The following REV1 variants were observed in gnomAD, a reference collection of about 807,000 sequenced individuals.
REV1 encodes the protein translesion synthesis protein REV1.
REV1 carries 42 observed loss-of-function variants against 137.4 expected under a neutral mutation model. The ratio of observed to expected loss-of-function variants is 0.31; its 90% confidence interval spans 0.24 to 0.40. The LOEUF is 0.40. Ranked by LOEUF, REV1 falls within the 10% of genes least tolerant of loss-of-function variation. The pLI is 1.00. For synonymous variants in REV1, 524 were observed against 519.2 expected, an observed-to-expected ratio of 1.01 and a Z score of -0.12; for missense variants, 1,282 against 1,490.1, an observed-to-expected ratio of 0.86 and a Z score of 2.30.
Position 99,418,880 on chromosome 2 carries a change from T to C in REV1, c.1899A>G (p.Lys633=). Residue 633 remains lysine (K), a synonymous_variant, in exon 12 of 23, where the codon AAA becomes AAG. Transcript: ENST00000258428. ...TGATAAAATCATCTACTTCTTCTGG[T>C]TTTAGGTGGTACTGCCCATCTGGTT... The part of the protein sequence containing the change: ...KAKPDGQYHL[K]PEEVDDFIRG... The C allele has an allele frequency of 3.1e-6, 5 of 1,612,420 alleles. No homozygotes were observed. The highest frequency in any genetic ancestry group is 4.2e-6 in the Non-Finnish European group (5 of 1,178,586).
chr2:99,466,860 G>A (rs1255930846), intron 1 of REV1, among the ~76,000 whole-genome samples: 1 of 152,108 alleles, frequency 6.6e-6, no homozygotes, highest in African/African-American at 2.4e-5. Context: ...AGTACCACAT[G>A]CTCTGTTAAA....
At position 99,406,385 on chromosome 2, in the gene REV1, C is replaced by G. The variant is rs139271999; in HGVS notation, c.2554G>C (p.Val852Leu). 1.3e-5 allele frequency: 21 copies of G among 1,613,610 alleles called. No homozygotes were observed. Among genetic ancestry groups the G allele is most frequent in the Non-Finnish European group, 1.8e-5 (21 of 1,179,770 alleles). The change falls in exon 16 of 23, where the codon GTC becomes CTC. Residue 852 changes from valine (V) to leucine (L), a missense_variant. This residue lies in a region of REV1 where 372 missense variants were observed against 482.3 expected (regional missense o/e 0.77). Coordinates refer to ENST00000258428, the MANE Select transcript of REV1 (RefSeq NM_016316.4). The part of the protein sequence containing the change: ...SSHFPSGSYS[V>L]RDVFQVQKAK... ...TTCTGAACTTGGAAGACATCACGGA[C>G]AGAGTATGACCCACTAGGAAAGTGG...
chr2:99,449,374 CT>C lies in REV1; in HGVS notation c.311del (p.Lys104ArgfsTer5). On this transcript the variant is annotated frameshift_variant, in exon 4 of 23. Transcript: ENST00000258428. LOFTEE classifies it high-confidence loss of function. ...ATTCTGGTCGAATTACTTTTTCCCC[CT>C]TTAATTCTTTAATTTTGGCATTGGG... is the stretch of plus-strand genomic sequence containing the variant. The part of the protein sequence containing the change: ...NLPNAKIKEL[K>X]GEKVIRPEWI... 6.4e-7 allele frequency: 1 copy of C among 1,560,932 alleles called. No homozygotes were observed.
chr2:99,414,973 T>C (rs147915020), intron 12 of REV1, among the ~76,000 whole-genome samples: 48 of 152,322 alleles, frequency 3.2e-4, no homozygotes, highest in African/African-American at 1.1e-3. Flanking sequence ...AAGTTAACCG[T>C]AATCAATCTA....
Position 99,402,741 on chromosome 2 carries a change from T to G in REV1, c.3444A>C (p.Pro1148=). The change falls in exon 21 of 23, where the codon CCA becomes CCC. Residue 1148 remains proline (P), a synonymous_variant. Transcript: ENST00000258428. ...GTGCTGGAGGTCTCACACAGCCAGC[T>G]GGGTCAGACTGCAAACTAGAAAGGC... ...VPGLSSLQSD[P]AGCVRPPAPN... is the part of the protein sequence containing the mutation. 1 of 1,614,228 alleles carries G rather than the reference T, an allele frequency of 6.2e-7. No homozygotes were observed. Among genetic ancestry groups the G allele is most frequent in the Non-Finnish European group, 8.5e-7 (1 of 1,180,032 alleles).
chr2:99,462,673 C>A (rs369615712), intron 2 of REV1, 51 bp from the exon 3 acceptor site: 23 of 1,566,878 alleles, frequency 1.5e-5, no homozygotes, highest in Middle Eastern at 1.7e-4. Context: ...TTTTCTCCCC[C>A]CTTTTTTGAA....
At chr2:99,416,912 CA>C (rs755184253) in intron 12 of REV1, among the ~76,000 whole-genome samples, 285 of 77,830 alleles carry the variant, frequency 3.7e-3, no homozygotes, top group Non-Finnish European at 5.0e-3. Flanking sequence ...GACTCCATCT[CA>C]AAAAAAAAAA....
intron 14 of REV1, 78 bp from the exon 15 acceptor site, chr2:99,408,209 A>T (rs1176224738): frequency 1.9e-5 from 14 of 721,520 alleles, no homozygotes; most frequent in Non-Finnish European, 8.7e-6. Flanking sequence ...GGAACTGTTT[A>T]AAAGAGTTAT....
chr2:99,467,659 C>T (rs1684958714), intron 1 of REV1, among the ~76,000 whole-genome samples: 1 of 152,178 alleles, frequency 6.6e-6, no homozygotes. Flanking sequence ...GCCGCAATTG[C>T]TATCAGAACC....
At chr2:99,450,781 T>C (rs1682833898) in intron 3 of REV1, among the ~76,000 whole-genome samples, 1 of 152,230 alleles carries the variant, frequency 6.6e-6, no homozygotes, top group Admixed American at 6.5e-5. Flanking sequence ...CTGAGATATT[T>C]ACTTTCTTTT....
intron 13 of REV1, 63 bp downstream of exon 13, chr2:99,412,668 G>C: frequency 8.4e-7 from 1 of 1,186,882 alleles, no homozygotes; most frequent in Non-Finnish European, 1.3e-6. Flanking sequence ...TTTAGTTGTA[G>C]AGGTAGGACT....
At chr2:99,414,073 T>G (rs1050102040) in intron 12 of REV1, among the ~76,000 whole-genome samples, 1 of 152,184 alleles carries the variant, frequency 6.6e-6, no homozygotes, top group African/African-American at 2.4e-5. Context: ...AAAGATCCCT[T>G]GAGCCCGAGA....
Position 99,408,027 on chromosome 2 carries a change from A to C in REV1, c.2448+2T>G. On this transcript the variant is annotated splice_donor_variant, in intron 15 of 22. Transcript: ENST00000258428. LOFTEE classifies it high-confidence loss of function. The stretch of plus-strand genomic sequence containing the variant: ...GAATTTACAATGTTACTATATACTT[A>C]CCCCTCTCATATCTGATATATTTAG... 1 of 1,504,426 alleles carries C rather than the reference A, an allele frequency of 6.6e-7. No individual in the cohort carries two copies. The allele number at this position is 1,504,426 out of a possible 1,614,324, so 93.2% of individuals were successfully genotyped here. A position where few individuals can be genotyped will look rare whatever the true frequency, so the allele number is the denominator to read the frequency against.
Position 99,400,934 on chromosome 2 carries a change from G to A in REV1, c.*307C>T, listed in dbSNP as rs1199660010. On this transcript the variant is annotated 3_prime_UTR_variant, in exon 23 of 23. Transcript: ENST00000258428. ...TGAGTTTTTAAGGATTCACAAAAAG[G>A]AGCCTGTACAAAATATACATACAGT... The A allele has an allele frequency of 6.0e-6, 1 of 167,766 alleles. No individual in the cohort carries two copies. The highest frequency in any genetic ancestry group is 1.3e-5 in the Non-Finnish European group (1 of 78,116). 10.4% of individuals were successfully genotyped at this position (167,766 alleles called of 1,614,324 possible).
chr2:99,421,615 G>A lies in REV1; in HGVS notation c.1715C>T (p.Ala572Val). 1.2e-6 allele frequency: 2 copies of A among 1,614,050 alleles called. No individual in the cohort carries two copies. Among genetic ancestry groups the A allele is most frequent in the Non-Finnish European group, 1.7e-6 (2 of 1,179,982 alleles). Residue 572 changes from alanine to valine, a missense_variant, in exon 11 of 23, where the codon GCG becomes GTG. Around this residue, in one of 7 missense-constraint regions of REV1, gnomAD observed 372 missense variants for 482.3 expected, o/e 0.77. Coordinates refer to ENST00000258428, the MANE Select transcript of REV1 (RefSeq NM_016316.4). ...HNIEAVSCDEALVDITEILAE... is the reference protein window; with the variant it reads ...HNIEAVSCDEVLVDITEILAE... Reference sequence around the variant, plus strand: ...AAGGATTTCGGTAATGTCTACCAGCGCTTCATCACAACTGACAGCTTCAAT... The same window carrying A: ...AAGGATTTCGGTAATGTCTACCAGCACTTCATCACAACTGACAGCTTCAAT...
intron 12 of REV1, among the ~76,000 whole-genome samples, chr2:99,417,436 G>C (rs919504097): frequency 3.3e-5 from 5 of 152,136 alleles, no homozygotes; most frequent in Non-Finnish European, 7.4e-5. Flanking sequence ...GAGTCACCAT[G>C]CCCGGCCACA....
intron 3 of REV1, among the ~76,000 whole-genome samples, chr2:99,459,246 T>C (rs1425836951): frequency 6.6e-6 from 1 of 151,860 alleles, no homozygotes; most frequent in African/African-American, 2.4e-5. Context: ...TGTGGAAATG[T>C]TCTGTATATT....
chr2:99,476,728 A>G (rs1376313408), intron 1 of REV1, among the ~76,000 whole-genome samples: 3 of 152,158 alleles, frequency 2.0e-5, no homozygotes, highest in Non-Finnish European at 4.4e-5. Flanking sequence ...GCCAACAGTC[A>G]ATCATATCTA....
At chr2:99,415,064 C>T (rs903441659) in intron 12 of REV1, among the ~76,000 whole-genome samples, 4 of 152,108 alleles carry the variant, frequency 2.6e-5, no homozygotes, top group Non-Finnish European at 5.9e-5. Context: ...TGGCCTGAAC[C>T]GGAGGTGGGG....
Sources: gnomAD v4.1 joint callset for allele counts (sites outside exome capture counted in the v4.1 genomes callset) on GRCh38, gnomAD v4.1.1 for gene constraint, gnomAD v4.1.1 regional missense constraint, MANE v1.5 for transcripts, NCBI Gene and HGNC (gene_info 2026-07-23, HGNC 2026-07-21) for gene names.